The following PLGRKT variants were observed in gnomAD, a reference collection of about 807,000 sequenced individuals.
The protein encoded by PLGRKT is plasminogen receptor with a C-terminal lysine, also known as plasminogen receptor (KT).
Under a neutral mutation model 18.5 loss-of-function variants are expected in PLGRKT, and 22 were observed. The ratio of observed to expected loss-of-function variants is 1.19; its 90% CI spans 0.85 to 1.70. PLGRKT has a LOEUF of 1.70. PLGRKT is among the 40% of genes most tolerant of loss of function. The pLI, the probability that PLGRKT is intolerant of heterozygous loss-of-function variation, is 0.00. For synonymous variants in PLGRKT, 72 were observed against 52.8 expected (o/e 1.36, Z -1.58); for missense variants, 235 against 174.4 (o/e 1.35, Z -1.96).
chr9:5,401,386 A>C (rs1025287948), intron 3 of PLGRKT, among the ~76,000 whole-genome samples: 1 of 151,980 alleles, frequency 6.6e-6, no homozygotes, highest in African/African-American at 2.4e-5. Flanking sequence ...TTTGTTTTGC[A>C]TGGCATTTAG....
intron 3 of PLGRKT, among the ~76,000 whole-genome samples, chr9:5,412,778 A>C (rs1005658485): frequency 5.9e-5 from 9 of 152,214 alleles, no homozygotes; most frequent in African/African-American, 2.2e-4. Context: ...ACCACATAAA[A>C]CTAAACTTTT....
At chr9:5,434,913 T>C (rs1205391990) in intron 2 of PLGRKT, among the ~76,000 whole-genome samples, 1 of 151,892 alleles carries the variant, frequency 6.6e-6, no homozygotes, top group Non-Finnish European at 1.5e-5. Context: ...AGAGATCAGA[T>C]TGTTACTGTG....
intron 3 of PLGRKT, among the ~76,000 whole-genome samples, chr9:5,379,313 A>G (rs1440711105): frequency 1.3e-5 from 2 of 152,170 alleles, no homozygotes; most frequent in African/African-American, 4.8e-5. Context: ...GAAAATATAC[A>G]AAAAAAGAAA....
intron 3 of PLGRKT, among the ~76,000 whole-genome samples, chr9:5,402,880 G>A (rs1245779503): frequency 2.0e-5 from 3 of 151,892 alleles, no homozygotes; most frequent in Non-Finnish European, 1.5e-5. Flanking sequence ...TAGTTGTAAA[G>A]TAAATACTAA....
upstream of PLGRKT, among the ~76,000 whole-genome samples, chr9:5,438,086 T>C (rs910998735): frequency 2.0e-5 from 3 of 152,208 alleles, no homozygotes; most frequent in African/African-American, 7.2e-5. Context: ...ATTTTTGAGA[T>C]GAGGCAGAGG....
chr9:5,369,818 C>T (rs1419737751), intron 3 of PLGRKT, among the ~76,000 whole-genome samples: 1 of 152,120 alleles, frequency 6.6e-6, no homozygotes, highest in Non-Finnish European at 1.5e-5. Context: ...AACCATCATT[C>T]TCAGCAAACT....
At chr9:5,394,553 C>T (rs1818009598) in intron 3 of PLGRKT, among the ~76,000 whole-genome samples, 2 of 151,838 alleles carry the variant, frequency 1.3e-5, no homozygotes, top group East Asian at 1.9e-4. Context: ...GCTGGGATTA[C>T]AGGCGCCCAC....
intron 3 of PLGRKT, among the ~76,000 whole-genome samples, chr9:5,397,218 T>G (rs1818067031): frequency 6.6e-6 from 1 of 151,898 alleles, no homozygotes; most frequent in Non-Finnish European, 1.5e-5. Flanking sequence ...AATGAGCTCA[T>G]GGACTTTCTT....
intron 3 of PLGRKT, among the ~76,000 whole-genome samples, chr9:5,372,172 G>C (rs1232624986): frequency 6.6e-6 from 1 of 151,372 alleles, no homozygotes; most frequent in East Asian, 1.9e-4. Flanking sequence ...ATAGAGATGG[G>C]GTTTCACCAT....
In PLGRKT at chr9:5,361,697, T is replaced by C. The variant is rs1305825118; in HGVS notation, c.212+61A>G. 3.3e-6 allele frequency: 5 copies of C among 1,500,798 alleles called. No homozygotes were observed. The African/African-American group carries it at 4.2e-5, about 13-fold the overall frequency. 93.0% of individuals were successfully genotyped at this position (1,500,798 alleles called of 1,614,324 possible). A position where few individuals can be genotyped will look rare whatever the true frequency, so the allele number is the denominator to read the frequency against. On this transcript the variant is annotated intron_variant, in intron 4 of 5. Transcript: ENST00000223864. ...TATTCTGGCCAACTTCATAATAAAA[T>C]GGTAATGGAAAACACAAAAAGAAGT...
intron 3 of PLGRKT, among the ~76,000 whole-genome samples, chr9:5,394,054 T>A (rs893077940): frequency 2.0e-5 from 3 of 151,928 alleles, no homozygotes; most frequent in African/African-American, 7.3e-5. Context: ...CTAGTGTTGC[T>A]ATTTTTATCA....
At chr9:5,424,612 T>TTATTA (rs201043175) in intron 3 of PLGRKT, among the ~76,000 whole-genome samples, 8 of 133,214 alleles carry the variant, frequency 6.0e-5, no homozygotes, top group African/African-American at 8.8e-5. Flanking sequence ...AATATATTAT[T>TTATTA]TATTATATTA....
intron 3 of PLGRKT, among the ~76,000 whole-genome samples, chr9:5,416,078 T>G (rs1358838476): frequency 6.6e-6 from 1 of 152,178 alleles, no homozygotes; most frequent in African/African-American, 2.4e-5. Flanking sequence ...ATACTTGAAC[T>G]CTCCATGTTT....
At chr9:5,395,105 C>T (rs867607324) in intron 3 of PLGRKT, among the ~76,000 whole-genome samples, 1 of 123,502 alleles carries the variant, frequency 8.1e-6, no homozygotes, top group African/African-American at 3.0e-5. Context: ...AAAGGCTTTG[C>T]AAAAAAAAAA....
intron 3 of PLGRKT, among the ~76,000 whole-genome samples, chr9:5,392,980 T>A: frequency 6.6e-6 from 1 of 151,666 alleles, no homozygotes; most frequent in Non-Finnish European, 1.5e-5. Context: ...TAGCTGTGAT[T>A]ACAGGTGTGT....
chr9:5,390,216 C>T (rs10975092), intron 3 of PLGRKT, among the ~76,000 whole-genome samples: 192 of 147,624 alleles, frequency 1.3e-3, no homozygotes, highest in Non-Finnish European at 1.7e-3. Flanking sequence ...TATGTGTGTG[C>T]GTGTGTGTGT....
chr9:5,409,717 G>A (rs1033990802), intron 3 of PLGRKT, among the ~76,000 whole-genome samples: 1 of 152,142 alleles, frequency 6.6e-6, no homozygotes, highest in African/African-American at 2.4e-5. Flanking sequence ...CGCTGGATGT[G>A]GGACATGAAG....
chr9:5,386,341 T>C (rs1184792105), intron 3 of PLGRKT, among the ~76,000 whole-genome samples: 2 of 151,872 alleles, frequency 1.3e-5, no homozygotes, highest in Admixed American at 6.6e-5. Flanking sequence ...AGCCTCAAAG[T>C]AGTGGTTCTC....
At chr9:5,375,684 C>T (rs918194384) in intron 3 of PLGRKT, among the ~76,000 whole-genome samples, 1 of 152,162 alleles carries the variant, frequency 6.6e-6, no homozygotes, top group African/African-American at 2.4e-5. Context: ...AAACACACAA[C>T]AAAAACAGAA....
Sources: allele counts gnomAD v4.1 joint callset (sites outside exome capture counted in the v4.1 genomes callset), GRCh38; gene constraint gnomAD v4.1.1; transcripts MANE v1.5; gene names NCBI Gene and HGNC (gene_info 2026-07-23, HGNC 2026-07-21).